FRY: variants seen among roughly 807,000 people sequenced by gnomAD.
FRY encodes FRY microtubule binding protein.
FRY carries 128 observed loss-of-function variants against 348.4 expected under a neutral mutation model. The observed-to-expected ratio is 0.37, with a 90% CI of 0.32 to 0.43. FRY has a LOEUF of 0.43. FRY is among the 20% of genes least tolerant of loss of function. The probability of loss-of-function intolerance (pLI) is 1.00; values close to 1 mark genes in which losing one functional copy is unlikely to be tolerated. For missense variants in FRY, 2,736 were observed against 3,695.2 expected (o/e 0.74, Z 6.73); for synonymous variants, 1,370 against 1,374.7 (o/e 1.00, Z 0.08).
At chr13:32,127,636 G>A (rs902841288) in intron 7 of FRY, among the ~76,000 whole-genome samples, 12 of 152,160 alleles carry the variant, frequency 7.9e-5, no homozygotes, top group Non-Finnish European at 1.5e-4. Context: ...AATATTAGCT[G>A]GGAGTGGTGG....
chr13:32,144,402 A>C (rs907537576), intron 11 of FRY, among the ~76,000 whole-genome samples: 1 of 150,496 alleles, frequency 6.6e-6, no homozygotes, highest in African/African-American at 2.5e-5. Context: ...AGATATTAAC[A>C]CATTATAAAA....
chr13:32,055,588 T>G (rs74044367), intron 1 of FRY, among the ~76,000 whole-genome samples: 4,950 of 152,218 alleles, frequency 0.033, 283 homozygotes, highest in African/African-American at 0.11. Context: ...TCTCTCCATC[T>G]TTGGGTAAAC....
chr13:32,249,253 A>G, intron 48 of FRY, among the ~76,000 whole-genome samples: 1 of 151,504 alleles, frequency 6.6e-6, no homozygotes, highest in East Asian at 2.0e-4. Flanking sequence ...GGTTTCCTGC[A>G]TGTTTTGCTT....
At chr13:32,179,503 T>TTGTGTATGTGTG (rs1555262068) in intron 22 of FRY, among the ~76,000 whole-genome samples, 172 bp from the exon 23 acceptor site, 1 of 137,552 alleles carries the variant, frequency 7.3e-6, no homozygotes, top group Admixed American at 7.4e-5. Context: ...TGTATTAAAT[T>TTGTGTATGTGTG]TGTGTGTGTG....
chr13:32,190,822 G>T (rs927942498), intron 28 of FRY, among the ~76,000 whole-genome samples: 1 of 152,166 alleles, frequency 6.6e-6, no homozygotes, highest in African/African-American at 2.4e-5. Context: ...ACAACTGAAA[G>T]TTCCTTTCAA....
In FRY at chr13:32,158,979, G is replaced by A. The variant is rs761726892; in HGVS notation, c.1784+1574G>A. On this transcript the variant is annotated intron_variant, in intron 16 of 60. Coordinates refer to ENST00000542859, the MANE Select transcript of FRY (RefSeq NM_023037.3). ...AAAAAAAAAAAAAAAAAAAAAAAGAGCTTTAAAGGACAACCATATTCGTAA... is the reference window on the plus strand; with the variant it reads ...AAAAAAAAAAAAAAAAAAAAAAAGAACTTTAAAGGACAACCATATTCGTAA... Among the ~76,000 whole-genome samples the A allele has an allele frequency of 4.3e-3, 485 of 112,998 alleles. 1 individual carries two copies. Among genetic ancestry groups the A allele is most frequent in the Non-Finnish European group, 6.5e-3 (353 of 54,532 alleles). The allele number at this position is 112,998 out of a possible 152,430, so 74.1% of individuals were successfully genotyped here. A position where few individuals can be genotyped will look rare whatever the true frequency, so the allele number is the denominator to read the frequency against.
At chr13:32,265,409 C>G in intron 53 of FRY, 41 bp from the exon 54 acceptor site, 1 of 1,603,418 alleles carries the variant, frequency 6.2e-7, no homozygotes, top group Non-Finnish European at 8.5e-7. Context: ...TGTATGTTTT[C>G]TTACACATTG....
At chr13:32,037,864 C>G (rs1363551300) in intron 1 of FRY, among the ~76,000 whole-genome samples, 1 of 152,134 alleles carries the variant, frequency 6.6e-6, no homozygotes, top group Non-Finnish European at 1.5e-5. Context: ...ATTTCTGAGT[C>G]TTATGTGATA....
intron 1 of FRY, among the ~76,000 whole-genome samples, chr13:32,044,387 A>C (rs1872909140): frequency 1.3e-5 from 2 of 152,254 alleles, no homozygotes; most frequent in Non-Finnish European, 2.9e-5. Context: ...TGGTTAAATA[A>C]GAATAGCTAG....
intron 17 of FRY, among the ~76,000 whole-genome samples, chr13:32,168,474 C>T (rs1384165665): frequency 2.0e-5 from 3 of 152,148 alleles, no homozygotes; most frequent in African/African-American, 7.2e-5. Context: ...CAAGTTGACA[C>T]ATAAAATTCA....
At chr13:32,159,192 G>T (rs1205116187) in intron 16 of FRY, among the ~76,000 whole-genome samples, 6 of 151,836 alleles carry the variant, frequency 4.0e-5, no homozygotes, top group Non-Finnish European at 8.8e-5. Context: ...TATTTTTCGT[G>T]CTAGAATTCA....
chr13:32,133,525 G>A (rs751447285), intron 8 of FRY, among the ~76,000 whole-genome samples: 1 of 152,062 alleles, frequency 6.6e-6, no homozygotes, highest in Non-Finnish European at 1.5e-5. Context: ...TGTAGCAAAA[G>A]AATGACTATT....
At chr13:32,121,968 T>C (rs1219936787) in intron 4 of FRY, among the ~76,000 whole-genome samples, 1 of 152,194 alleles carries the variant, frequency 6.6e-6, no homozygotes, top group East Asian at 1.9e-4. Flanking sequence ...AGGTGAGAGA[T>C]GAAGATCTAG....
intron 32 of FRY, 139 bp from the exon 33 acceptor site, chr13:32,209,446 C>A: frequency 1.2e-6 from 1 of 820,646 alleles, no homozygotes; most frequent in Non-Finnish European, 2.1e-6. Flanking sequence ...TGAAAGATGG[C>A]ATCTTTCTGA....
rs750875266 is a variant in FRY at position 32,247,317 on chromosome 13, C to T, written c.6829-6C>T. ...TTTTAACCCTTGAATGTTTTATTTC[C>T]TGCAGAGTGTTCACTGGAGAGAAGC... On this transcript the variant is annotated splice_polypyrimidine_tract_variant and splice_region_variant and intron_variant, in intron 47 of 60. Transcript: ENST00000542859. 9 of 1,608,414 alleles carry T rather than the reference C, an allele frequency of 5.6e-6. No individual in the cohort carries two copies. Among genetic ancestry groups the T allele is most frequent in the Non-Finnish European group, 7.7e-6 (9 of 1,174,966 alleles).
intron 55 of FRY, among the ~76,000 whole-genome samples, chr13:32,269,892 A>G (rs2138575805): frequency 6.6e-6 from 1 of 152,300 alleles, no homozygotes; most frequent in African/African-American, 2.4e-5. Context: ...AGTAGTGCAG[A>G]TAGCTACTTG....
chr13:32,247,276 A>C, intron 47 of FRY, 47 bp from the exon 48 acceptor site: 1 of 1,509,934 alleles, frequency 6.6e-7, no homozygotes, highest in South Asian at 1.1e-5. Flanking sequence ...CATTAGCTTT[A>C]AAAAAATTAA....
Position 32,233,026 on chromosome 13 carries a change from A to G in FRY, c.5528-1548A>G, listed in dbSNP as rs188040590. Among the ~76,000 whole-genome samples, 229 of 152,310 alleles carry G rather than the reference A, an allele frequency of 1.5e-3. 3 individuals carry two copies. The highest frequency in any genetic ancestry group is 2.2e-3 in the Non-Finnish European group (147 of 68,032). ...CATATAAAAAAAAATAGGTTAAGTAAACAAACCTTTATTTTGATAAACAAA... is the reference window on the plus strand; with the variant it reads ...CATATAAAAAAAAATAGGTTAAGTAGACAAACCTTTATTTTGATAAACAAA... On this transcript the variant is annotated intron_variant, in intron 41 of 60. Coordinates refer to ENST00000542859, the MANE Select transcript of FRY (RefSeq NM_023037.3).
intron 22 of FRY, 86 bp downstream of exon 22, chr13:32,179,119 G>T (rs1458605047): frequency 1.0e-6 from 1 of 973,324 alleles, no homozygotes. Flanking sequence ...ATTGCACTGT[G>T]CCTGCCATCT....
Sources: allele counts gnomAD v4.1 joint callset (sites outside exome capture counted in the v4.1 genomes callset), GRCh38; gene constraint gnomAD v4.1.1; transcripts MANE v1.5; gene names NCBI Gene and HGNC (gene_info 2026-07-23, HGNC 2026-07-21).